GOSR2: variants seen among roughly 807,000 people sequenced by gnomAD.
The protein encoded by GOSR2 is 27 kDa Golgi SNARE protein.
Under a neutral mutation model 27.9 loss-of-function variants are expected in GOSR2, and 20 were observed. That is an observed-to-expected ratio of 0.72 (90% CI 0.50 to 1.04). The LOEUF (loss-of-function observed/expected upper bound fraction) is 1.04, where lower values mean the gene tolerates loss of function less well. Ranked by LOEUF, GOSR2 falls within the 50% of genes least tolerant of loss-of-function variation. The pLI is 0.00. For missense variants in GOSR2, 261 were observed against 270.5 expected (o/e 0.97, Z 0.25); for synonymous variants, 91 against 98.8 (o/e 0.92, Z 0.47).
chr17:46,953,624 C>T (rs2090522121), intron 6 of GOSR2, among the ~76,000 whole-genome samples: 1 of 152,220 alleles, frequency 6.6e-6, no homozygotes, highest in Admixed American at 6.5e-5. Context: ...AATCGCCACA[C>T]TGACTTCCAC....
At chr17:46,926,794 T>C (rs763173269) in intron 1 of GOSR2, among the ~76,000 whole-genome samples, 1 of 152,248 alleles carries the variant, frequency 6.6e-6, no homozygotes, top group Non-Finnish European at 1.5e-5. Context: ...TTGTCTCTGA[T>C]TGGTTCAAAG....
chr17:46,955,473 TTC>T (rs2090648665), intron 6 of GOSR2: 1 of 152,184 alleles, frequency 6.6e-6, no homozygotes, highest in Non-Finnish European at 1.5e-5. Flanking sequence ...TGGTCTAAAA[TTC>T]TCTTTTTTTG....
At chr17:46,923,652 T>G in intron 1 of GOSR2, 3 of 1,107,628 alleles carry the variant, frequency 2.7e-6, no homozygotes, top group Non-Finnish European at 3.4e-6. Flanking sequence ...GGAAAGTATT[T>G]GTATTCTTAT....
At chr17:46,957,663 G>A (rs966698541) in intron 6 of GOSR2, among the ~76,000 whole-genome samples, 1 of 152,198 alleles carries the variant, frequency 6.6e-6, no homozygotes, top group Non-Finnish European at 1.5e-5. Flanking sequence ...GGAAGCCCAG[G>A]TGAGGAGAAG....
chr17:46,963,848 G>A (rs2091201090), intron 6 of GOSR2: 1 of 152,064 alleles, frequency 6.6e-6, no homozygotes, highest in Non-Finnish European at 1.5e-5. Context: ...ATAGCATCTT[G>A]CTCTGTTGCC....
At chr17:46,961,037 AAAC>A (rs769112031) in intron 6 of GOSR2, among the ~76,000 whole-genome samples, 2 of 152,312 alleles carry the variant, frequency 1.3e-5, no homozygotes, top group Non-Finnish European at 2.9e-5. Context: ...AGTTTAAAAA[AAAC>A]AAGGTGGGAA....
chr17:46,958,497 T>C (rs1030014088), intron 6 of GOSR2, among the ~76,000 whole-genome samples: 3 of 152,238 alleles, frequency 2.0e-5, no homozygotes, highest in Non-Finnish European at 4.4e-5. Context: ...ACAGCCTGAC[T>C]AAGCCAAGAG....
chr17:46,928,059 A>G (rs1036483499), intron 1 of GOSR2, among the ~76,000 whole-genome samples: 19 of 151,914 alleles, frequency 1.3e-4, no homozygotes, highest in African/African-American at 4.6e-4. Flanking sequence ...GCATTCCTAC[A>G]TCAGCCCCCA....
chr17:46,949,840 T>C (rs1482852544), intron 6 of GOSR2, among the ~76,000 whole-genome samples: 1 of 152,176 alleles, frequency 6.6e-6, no homozygotes, highest in Non-Finnish European at 1.5e-5. Context: ...AGGAGGATTC[T>C]GTGGCTGGAG....
At chr17:46,962,799 A>G (rs2091139285) in intron 6 of GOSR2, among the ~76,000 whole-genome samples, 1 of 152,218 alleles carries the variant, frequency 6.6e-6, no homozygotes, top group African/African-American at 2.4e-5. Flanking sequence ...AGGATCATGA[A>G]AGATAATGAA....
rs890030132 is a variant in GOSR2, at chr17:46,939,665, C to T, written c.*905C>T. ...TTCTCTTCCCTGAAATATATTAGCA[C>T]CTGCCAGCCAGGCCCTCATTTTGCC... is the stretch of plus-strand genomic sequence containing the variant. On this transcript the variant is annotated 3_prime_UTR_variant, in exon 6 of 6. Coordinates refer to ENST00000640051, the MANE Select transcript of GOSR2 (RefSeq NM_004287.5). 4.1e-6 allele frequency: 4 copies of T among 985,540 alleles called. No homozygotes were observed. The highest frequency in any genetic ancestry group is 1.7e-5 in the African/African-American group (1 of 57,248). The allele number at this position is 985,540 out of a possible 1,614,324, so 61.0% of individuals were successfully genotyped here. A position where few individuals can be genotyped will look rare whatever the true frequency, so the allele number is the denominator to read the frequency against.
chr17:46,923,503 C>T, intron 1 of GOSR2: 2 of 1,380,412 alleles, frequency 1.4e-6, no homozygotes, highest in Non-Finnish European at 1.9e-6. Context: ...AAACTGGCAC[C>T]TGCAGGTTAT....
intron 6 of GOSR2, among the ~76,000 whole-genome samples, chr17:46,973,310 TTTTTCTTTTTC>T (rs2091412081): frequency 6.6e-6 from 1 of 151,728 alleles, no homozygotes; most frequent in African/African-American, 2.4e-5. Context: ...TGCTGCTGCT[TTTTTCTTTTTC>T]TTTTCTTTTT....
chr17:46,960,193 G>C (rs998159953), intron 6 of GOSR2, among the ~76,000 whole-genome samples: 1 of 152,118 alleles, frequency 6.6e-6, no homozygotes, highest in Non-Finnish European at 1.5e-5. Context: ...CTTTTAAAAA[G>C]CAAAAGACAC....
chr17:46,931,456 G>A, intron 3 of GOSR2: 2 of 542,024 alleles, frequency 3.7e-6, no homozygotes, highest in Non-Finnish European at 6.5e-6. Flanking sequence ...TTGAAATTTT[G>A]CCTCCAGTTC....
chr17:46,943,838 A>G (rs1052718089), downstream of GOSR2, among the ~76,000 whole-genome samples: 2 of 152,248 alleles, frequency 1.3e-5, no homozygotes, highest in Non-Finnish European at 2.9e-5. Flanking sequence ...AGGACTGGGG[A>G]GAGAGAAGTA....
downstream of GOSR2, among the ~76,000 whole-genome samples, chr17:46,944,783 A>G (rs2089692915): frequency 6.6e-6 from 1 of 151,964 alleles, no homozygotes; most frequent in South Asian, 2.1e-4. Context: ...TATTTTTAGT[A>G]GAAACGGGGT....
chr17:46,966,584 A>G lies in GOSR2; in HGVS notation c.634A>G (p.Arg212Gly). 2.9e-6 allele frequency: 2 copies of G among 692,980 alleles called. 1 individual carries two copies. The highest frequency in any genetic ancestry group is 3.0e-5 in the South Asian group (2 of 65,900). 42.9% of individuals were successfully genotyped at this position (692,980 alleles called of 1,614,324 possible). ...GAATGGACCCGAACTCCTGAGCTCA[A>G]GAGATCCTCCTGCATCAGCCTCCCG... Residue 212 changes from arginine to glycine, a missense_variant, in exon 7 of 7, where the codon AGA becomes GGA. Transcript: ENST00000573224.
chr17:46,935,150 C>G lies in GOSR2; in HGVS notation c.458C>G (p.Thr153Ser). 1.9e-6 allele frequency: 3 copies of G among 1,614,050 alleles called. No individual in the cohort carries two copies. The highest frequency in any genetic ancestry group is 2.5e-6 in the Non-Finnish European group (3 of 1,179,890). ...DGHNILDGLR[T>S]QRLTLKGTQK... Reference sequence around the variant, plus strand: ...CACAATATTTTAGATGGACTGAGGACCCAGAGACTGACCTTGAAGGTGGGG... The same window carrying G: ...CACAATATTTTAGATGGACTGAGGAGCCAGAGACTGACCTTGAAGGTGGGG... Residue 153 changes from threonine to serine, a missense_variant, in exon 5 of 6, where the codon ACC (threonine) becomes AGC (serine). Thr to Ser is a moderately conservative substitution (Grantham distance 58, BLOSUM62 1). Coordinates refer to ENST00000640051, the MANE Select transcript of GOSR2 (RefSeq NM_004287.5).
Sources: gnomAD v4.1 joint callset for allele counts (sites outside exome capture counted in the v4.1 genomes callset) on GRCh38, gnomAD v4.1.1 for gene constraint, MANE v1.5 for transcripts, NCBI Gene and HGNC (gene_info 2026-07-23, HGNC 2026-07-21) for gene names.